COL7A1: variants seen among roughly 807,000 people sequenced by gnomAD.
COL7A1 encodes collagen type VII alpha 1 chain, also known as collagen alpha-1(VII) chain.
COL7A1 carries 296 observed loss-of-function variants against 456.2 expected under a neutral mutation model. The ratio of observed to expected loss-of-function variants is 0.65; its 90% confidence interval spans 0.59 to 0.71. The LOEUF (loss-of-function observed/expected upper bound fraction) is 0.71, where lower values mean the gene tolerates loss of function less well. Among genes scored for constraint, COL7A1 ranks in the 30% least tolerant of loss-of-function variants. COL7A1 has a pLI of 0.00. For missense variants in COL7A1, 3,441 were observed against 4,017.2 expected (o/e 0.86, Z 3.88); for synonymous variants, 1,464 against 1,525.9 (o/e 0.96, Z 0.95).
rs762495469 is a variant in COL7A1, at chr3:48,593,362, C to G, written c.514G>C (p.Ala172Pro). 6.2e-7 allele frequency: 1 copy of G among 1,613,990 alleles called. No individual in the cohort carries two copies. Among genetic ancestry groups the G allele is most frequent in the Non-Finnish European group, 8.5e-7 (1 of 1,180,042 alleles). The change falls in exon 5 of 119, where the codon GCT (alanine) becomes CCT (proline). Residue 172 changes from alanine to proline, a missense_variant. Ala to Pro is a conservative substitution (Grantham distance 27). Around this residue, in one of 3 missense-constraint regions of COL7A1, gnomAD observed 913 missense variants for 1,088.2 expected, o/e 0.84. Transcript: ENST00000681320. This position sits in a 1 kb window ranked among gnomAD's most constrained non-coding sequence, Gnocchi z 4.4. ...RLKGQGVKLFAVGIKNADPEE... is the reference protein window; with the variant it reads ...RLKGQGVKLFPVGIKNADPEE... ...ACTCCTGCTCGGTCCTTACCCACAG[C>G]AAATAGCTTGACCCCCTGCCCCTTC...
chr3:48,591,923 G>A lies in COL7A1; in HGVS notation c.1332C>T (p.Tyr444=), dbSNP rs1575490179. Residue 444 remains tyrosine (Y), a synonymous_variant, in exon 11 of 119, where the codon TAC becomes TAT. Transcript: ENST00000681320. This position sits in a 1 kb window ranked among gnomAD's most constrained non-coding sequence, Gnocchi z 7.0. ...CAGTCTCACGCCGCCATTCCAACCGGTAGCCACGGGCCTCAGGCACCAAGT... is the reference window on the plus strand; with the variant it reads ...CAGTCTCACGCCGCCATTCCAACCGATAGCCACGGGCCTCAGGCACCAAGT... ...SWNLVPEARG[Y]RLEWRRETGL... 1.9e-6 allele frequency: 3 copies of A among 1,614,174 alleles called. No individual in the cohort carries two copies. Among genetic ancestry groups the A allele is most frequent in the Non-Finnish European group, 2.5e-6 (3 of 1,180,034 alleles).
chr3:48,571,402 C>T lies in COL7A1; in HGVS notation c.7069-124G>A, dbSNP rs749559315. On this transcript the variant is annotated intron_variant, in intron 92 of 118. Transcript: ENST00000681320. The surrounding 1 kb of genome is among the most constrained non-coding windows in gnomAD (Gnocchi z 4.6). ...ATGAACACATGGGAACTCAGACATGCGACCAAGAATTGGCTCACAGGAGCT... is the reference window on the plus strand; with the variant it reads ...ATGAACACATGGGAACTCAGACATGTGACCAAGAATTGGCTCACAGGAGCT... 1.2e-5 allele frequency: 15 copies of T among 1,249,112 alleles called. No homozygotes were observed. The highest frequency in any genetic ancestry group is 5.1e-5 in the South Asian group (4 of 79,202). The allele number at this position is 1,249,112 out of a possible 1,614,324, so 77.4% of individuals were successfully genotyped here. A position where few individuals can be genotyped will look rare whatever the true frequency, so the allele number is the denominator to read the frequency against.
At position 48,566,235 on chromosome 3, in the gene COL7A1, G is replaced by C. The variant is rs1257344577; in HGVS notation, c.8407+32C>G. On this transcript the variant is annotated intron_variant, in intron 114 of 118. Transcript: ENST00000681320. This position sits in a 1 kb window ranked among gnomAD's most constrained non-coding sequence, Gnocchi z 5.9. ...TGCCCTTGCCTAGGGTGCTGGGGTG[G>C]AGTGGGAGACTGCGGGCTGGGCACC... The C allele has an allele frequency of 6.9e-6, 11 of 1,586,500 alleles. No individual in the cohort carries two copies. In the Admixed American group the frequency reaches 2.0e-4, roughly 29 times the overall value.
rs2044039882 is a variant in COL7A1 at position 48,572,992 on chromosome 3, G to C, written c.6750+29C>G. Reference sequence around the variant, plus strand: ...GCTGCCTGTCGACCCTTGACCCCTGGAGCCCAACCCTTGACCCCCAGAACT... The same window carrying C: ...GCTGCCTGTCGACCCTTGACCCCTGCAGCCCAACCCTTGACCCCCAGAACT... On this transcript the variant is annotated intron_variant, in intron 86 of 118. Transcript: ENST00000681320. The surrounding 1 kb of genome is among the most constrained non-coding windows in gnomAD (Gnocchi z 4.6). The C allele has an allele frequency of 6.2e-7, 1 of 1,614,000 alleles. No individual in the cohort carries two copies. The highest frequency in any genetic ancestry group is 8.5e-7 in the Non-Finnish European group (1 of 1,180,004).
rs796914646 is a variant in COL7A1, at chr3:48,593,753, C to T, written c.267-57G>A. On this transcript the variant is annotated intron_variant, in intron 3 of 118. Transcript: ENST00000681320. This position sits in a 1 kb window ranked among gnomAD's most constrained non-coding sequence, Gnocchi z 4.4. ...GACTCAGGATCTCTTCTGGCCCTGG[C>T]CTTGAGGAGGCCTCTAGGGTGAGGG... 7.5e-6 allele frequency: 12 copies of T among 1,606,906 alleles called. No homozygotes were observed. The highest frequency in any genetic ancestry group is 6.6e-5 in the South Asian group (6 of 90,946).
rs1171243624 is a variant in COL7A1 at position 48,576,738 on chromosome 3, G to T, written c.5638C>A (p.Pro1880Thr). 1 of 1,612,322 alleles carries T rather than the reference G, an allele frequency of 6.2e-7. No homozygotes were observed. Among genetic ancestry groups the T allele is most frequent in the South Asian group, 1.1e-5 (1 of 90,826 alleles). ...GGCCCCTGGGGTCCAAGGATACCAG[G>T]AGCTCCACGCTCACCCTTGGGGCCA... ...RDGPKGERGA[P>T]GILGPQGPPG... is the part of the protein sequence containing the mutation. Residue 1880 changes from proline to threonine, a missense_variant, in exon 68 of 119, where the codon CCT (proline) becomes ACT (threonine). By Grantham distance (38) the Pro-to-Thr change is conservative (BLOSUM62 -1). Transcript: ENST00000681320.
rs779364669 is a variant in COL7A1, at chr3:48,566,289, G to A, written c.8385C>T (p.Arg2795=). The A allele has an allele frequency of 1.2e-6, 2 of 1,603,330 alleles. No individual in the cohort carries two copies. Among genetic ancestry groups the A allele is most frequent in the East Asian group, 4.5e-5 (2 of 44,458 alleles). The change falls in exon 114 of 119, where the codon CGC becomes CGT. Residue 2795 remains arginine (R), a synonymous_variant. Coordinates refer to ENST00000681320, the MANE Select transcript of COL7A1 (RefSeq NM_000094.4). The surrounding 1 kb of genome is among the most constrained non-coding windows in gnomAD (Gnocchi z 5.9). ...LTEDDIRGFV[R]QEMSQHCACQ... ...CACCACAGTGCTGACTCATCTCTTG[G>A]CGCACAAAGCCCCGGATGTCATCCT...
At position 48,575,743 on chromosome 3, in the gene COL7A1, A is replaced by C; in HGVS notation, c.5862T>G (p.Ser1954=). The C allele has an allele frequency of 6.2e-7, 1 of 1,614,040 alleles. No homozygotes were observed. The highest frequency in any genetic ancestry group is 8.5e-7 in the Non-Finnish European group (1 of 1,180,022). Residue 1954 remains serine (S), a synonymous_variant, in exon 73 of 119, where the codon TCT becomes TCG. Transcript: ENST00000681320. This position sits in a 1 kb window ranked among gnomAD's most constrained non-coding sequence, Gnocchi z 6.3. ...AGGTCTCCACGATCTCCCGCAGGGC[A>C]GATGCCTGAGGGACAGCAAGAGGTC... is the stretch of plus-strand genomic sequence containing the variant. ...RLLETAGIKA[S]ALREIVETWD...
chr3:48,586,875 G>C lies in COL7A1; in HGVS notation c.3276+97C>G. On this transcript the variant is annotated intron_variant, in intron 25 of 118. Transcript: ENST00000681320. This position sits in a 1 kb window ranked among gnomAD's most constrained non-coding sequence, Gnocchi z 5.1. The stretch of plus-strand genomic sequence containing the variant: ...GAGCCTGTGAGAGAGCTGGGAGAAT[G>C]CCTGAACCTATTGGGTGGTCAGGAG... The C allele has an allele frequency of 2.0e-6, 3 of 1,534,506 alleles. No homozygotes were observed. Among genetic ancestry groups the C allele is most frequent in the Non-Finnish European group, 2.6e-6 (3 of 1,133,234 alleles).
rs1302891705 is a variant in COL7A1, at chr3:48,580,879, C to A, written c.4980+3G>T. ...CCTGTTACTTCTCTCTGCCAAGACT[C>A]ACCCGAAGGCCACGCTCGCCTGCTT... is the stretch of plus-strand genomic sequence containing the variant. On this transcript the variant is annotated splice_donor_region_variant and intron_variant, in intron 54 of 118. Transcript: ENST00000681320. This position sits in a 1 kb window ranked among gnomAD's most constrained non-coding sequence, Gnocchi z 4.5. 2 of 1,614,018 alleles carry A rather than the reference C, an allele frequency of 1.2e-6. No individual in the cohort carries two copies. The highest frequency in any genetic ancestry group is 1.7e-6 in the Non-Finnish European group (2 of 1,180,044).
rs548737755 is a variant in COL7A1, at chr3:48,566,076, C to T, written c.8407+191G>A. 4.6e-5 allele frequency among the ~76,000 whole-genome samples: 7 copies of T among 152,306 alleles called. No homozygotes were observed. The highest frequency in any genetic ancestry group is 7.4e-5 in the Non-Finnish European group (5 of 68,024). On this transcript the variant is annotated intron_variant, in intron 114 of 118. Transcript: ENST00000681320. This position sits in a 1 kb window ranked among gnomAD's most constrained non-coding sequence, Gnocchi z 5.9. ...CATCTGAGAGCACTGCATGGCAATC[C>T]TCATCTGCCTGTGTGTCTCCCTCCA...
Position 48,568,992 on chromosome 3 carries a change from C to A in COL7A1, c.7687-137G>T. On this transcript the variant is annotated intron_variant, in intron 103 of 118. Coordinates refer to ENST00000681320, the MANE Select transcript of COL7A1 (RefSeq NM_000094.4). This position sits in a 1 kb window ranked among gnomAD's most constrained non-coding sequence, Gnocchi z 5.2. The stretch of plus-strand genomic sequence containing the variant: ...AGCAGCACGTCCTCCCAGCCTGTGC[C>A]ATAGCGGGTGGAACTGGGGGCTGTA... 1 of 845,576 alleles carries A rather than the reference C, an allele frequency of 1.2e-6. No homozygotes were observed. Among genetic ancestry groups the A allele is most frequent in the Middle Eastern group, 2.2e-4 (1 of 4,492 alleles). 52.4% of individuals were successfully genotyped at this position (845,576 alleles called of 1,614,324 possible). A position where few individuals can be genotyped will look rare whatever the true frequency, so the allele number is the denominator to read the frequency against.
In COL7A1 at chr3:48,583,034, G is replaced by T. The variant is rs777908742; in HGVS notation, c.4497C>A (p.Pro1499=). Residue 1499 remains proline, a synonymous_variant, in exon 44 of 119, where the codon CCC becomes CCA. Coordinates refer to ENST00000681320, the MANE Select transcript of COL7A1 (RefSeq NM_000094.4). This position sits in a 1 kb window ranked among gnomAD's most constrained non-coding sequence, Gnocchi z 5.1. The part of the protein sequence containing the change: ...GEAGEKGERG[P]PGPAGSRGLP... ...TTACCCGGGATCCCGCTGGGCCTGG[G>T]GGTCCACGTTCGCCCTGATGGAAAA... 2 of 1,614,032 alleles carry T rather than the reference G, an allele frequency of 1.2e-6. No individual in the cohort carries two copies. The highest frequency in any genetic ancestry group is 4.5e-5 in the East Asian group (2 of 44,862).
chr3:48,587,778 G>T lies in COL7A1; in HGVS notation c.2857+15C>A. 1.9e-6 allele frequency: 3 copies of T among 1,613,432 alleles called. No individual in the cohort carries two copies. Among genetic ancestry groups the T allele is most frequent in the Non-Finnish European group, 2.5e-6 (3 of 1,179,988 alleles). On this transcript the variant is annotated intron_variant, in intron 22 of 118. Transcript: ENST00000681320. This position sits in a 1 kb window ranked among gnomAD's most constrained non-coding sequence, Gnocchi z 6.1. ...ATCAGCAGGGGAGGAGCACGCCAAG[G>T]TGAGGCAGGCTTACCAGTGCGCGCA...
chr3:48,569,959 T>A lies in COL7A1; in HGVS notation c.7486-44A>T. On this transcript the variant is annotated intron_variant, in intron 99 of 118. Transcript: ENST00000681320. The surrounding 1 kb of genome is among the most constrained non-coding windows in gnomAD (Gnocchi z 4.9). ...CCGTGAGCTACAGGAACCAGGGCAG[T>A]GGAGGACGGAGGAGGATCAGGGGGA... 6.2e-7 allele frequency: 1 copy of A among 1,613,000 alleles called. No homozygotes were observed. The highest frequency in any genetic ancestry group is 8.5e-7 in the Non-Finnish European group (1 of 1,179,384).
Position 48,567,773 on chromosome 3 carries a change from TCAGG to T in COL7A1, c.7930-14_7930-11del, listed in dbSNP as rs1336490251. ...GGGGACCAGCTTCTCCCTGCAGGCA[TCAGG>T]CAGTGGGGTGAGCCTTAGGCCCCAG... On this transcript the variant is annotated splice_polypyrimidine_tract_variant and intron_variant, in intron 107 of 118. Coordinates refer to ENST00000681320, the MANE Select transcript of COL7A1 (RefSeq NM_000094.4). This position sits in a 1 kb window ranked among gnomAD's most constrained non-coding sequence, Gnocchi z 4.3. 1.2e-6 allele frequency: 2 copies of T among 1,614,030 alleles called. No individual in the cohort carries two copies. The highest frequency in any genetic ancestry group is 2.7e-5 in the African/African-American group (2 of 74,902).
In COL7A1 at chr3:48,564,296, C is replaced by T. The variant is rs1017873865; in HGVS notation, c.*110G>A. The stretch of plus-strand genomic sequence containing the variant: ...GTCACTGAAATAACGGACGTGCACA[C>T]GCACGCTCACGTGCACACAAGCCTC... On this transcript the variant is annotated 3_prime_UTR_variant, in exon 119 of 119. Transcript: ENST00000681320. This position sits in a 1 kb window ranked among gnomAD's most constrained non-coding sequence, Gnocchi z 6.0. 66 of 1,312,902 alleles carry T rather than the reference C, an allele frequency of 5.0e-5. No homozygotes were observed. Among genetic ancestry groups the T allele is most frequent in the Admixed American group, 3.8e-4 (22 of 57,578 alleles). The allele number at this position is 1,312,902 out of a possible 1,614,324, so 81.3% of individuals were successfully genotyped here. A position where few individuals can be genotyped will look rare whatever the true frequency, so the allele number is the denominator to read the frequency against.
At position 48,581,022 on chromosome 3, in the gene COL7A1, A is replaced by G. The variant is rs1482908438; in HGVS notation, c.4936-96T>C. 6.2e-7 allele frequency: 1 copy of G among 1,600,494 alleles called. No individual in the cohort carries two copies. The highest frequency in any genetic ancestry group is 2.2e-5 in the East Asian group (1 of 44,738). On this transcript the variant is annotated intron_variant, in intron 53 of 118. Coordinates refer to ENST00000681320, the MANE Select transcript of COL7A1 (RefSeq NM_000094.4). The surrounding 1 kb of genome is among the most constrained non-coding windows in gnomAD (Gnocchi z 5.8). ...AGAAGGGTCTGAGCAGCAGCTGGAC[A>G]GGAGGCAGGGAGTGGATGGATGAAC...
Position 48,569,314 on chromosome 3 carries a change from T to C in COL7A1, c.7686+61A>G. The C allele has an allele frequency of 1.3e-6, 2 of 1,575,350 alleles. No individual in the cohort carries two copies. Among genetic ancestry groups the C allele is most frequent in the African/African-American group, 1.3e-5 (1 of 74,242 alleles). ...TGTCCTCCCCTCCTGCCCTCACAGATGCTGTGGAACCACCACAGCCACAGG... is the reference window on the plus strand; with the variant it reads ...TGTCCTCCCCTCCTGCCCTCACAGACGCTGTGGAACCACCACAGCCACAGG... On this transcript the variant is annotated intron_variant, in intron 103 of 118. Coordinates refer to ENST00000681320, the MANE Select transcript of COL7A1 (RefSeq NM_000094.4). The surrounding 1 kb of genome is among the most constrained non-coding windows in gnomAD (Gnocchi z 4.9).
Sources: gnomAD v4.1 joint callset for allele counts (sites outside exome capture counted in the v4.1 genomes callset) on GRCh38, gnomAD v4.1.1 for gene constraint, gnomAD v4.1.1 regional missense constraint, Gnocchi (gnomAD v3.1) non-coding constraint, MANE v1.5 for transcripts, NCBI Gene and HGNC (gene_info 2026-07-23, HGNC 2026-07-21) for gene names.